Variants in CADM2 observed in about 807,000 individuals in gnomAD.
CADM2 encodes the protein cell adhesion molecule 2.
In CADM2, 12 loss-of-function variants were observed where a neutral mutation model predicts 49.8. The observed-to-expected ratio is 0.24, with a 90% CI of 0.15 to 0.39. The LOEUF (loss-of-function observed/expected upper bound fraction) is 0.39, where lower values mean the gene tolerates loss of function less well. CADM2 is among the 10% of genes least tolerant of loss of function. CADM2 has a pLI of 1.00. For synonymous variants in CADM2, 214 were observed against 175.4 expected (o/e 1.22, Z -1.74); for missense variants, 378 against 492.3 (o/e 0.77, Z 2.20).
In CADM2 at chr3:85,219,718, A is replaced by G. The variant is rs949285717; in HGVS notation, c.61+260050A>G. Reference sequence around the variant, plus strand: ...AAAAAATATTCTTATACCTTGCATGATACCAAAACAACTACTGTTTCACAA... The same window carrying G: ...AAAAAATATTCTTATACCTTGCATGGTACCAAAACAACTACTGTTTCACAA... On this transcript the variant is annotated intron_variant, in intron 1 of 9. Coordinates refer to ENST00000383699, the MANE Select transcript of CADM2 (RefSeq NM_001167675.2). 3.3e-5 allele frequency among the ~76,000 whole-genome samples: 5 copies of G among 152,276 alleles called. No homozygotes were observed. In the East Asian group the frequency reaches 7.7e-4, roughly 24 times the overall value.
chr3:85,320,326 G>C (rs986598571), intron 1 of CADM2, among the ~76,000 whole-genome samples: 7 of 152,108 alleles, frequency 4.6e-5, no homozygotes, highest in Non-Finnish European at 1.0e-4. Flanking sequence ...TTAAGTTTTT[G>C]TTTTCTCTGT....
intron 3 of CADM2, among the ~76,000 whole-genome samples, chr3:85,856,301 T>G (rs1466686785): frequency 1.3e-5 from 2 of 152,226 alleles, no homozygotes; most frequent in African/African-American, 4.8e-5. Context: ...TATCTCTATT[T>G]AAGTGCTGAA....
intron 1 of CADM2, among the ~76,000 whole-genome samples, chr3:85,286,526 AT>A (rs1200360220): frequency 6.6e-6 from 1 of 152,122 alleles, no homozygotes. Context: ...AAATTAGGTA[AT>A]TGGCAATTTA....
At chr3:85,339,834 A>G (rs1393950478) in intron 1 of CADM2, among the ~76,000 whole-genome samples, 2 of 151,460 alleles carry the variant, frequency 1.3e-5, no homozygotes, top group East Asian at 3.9e-4. Context: ...AGTGATTCTT[A>G]GATGATCACT....
intron 5 of CADM2, among the ~76,000 whole-genome samples, chr3:85,910,681 A>C (rs1479286584): frequency 6.6e-6 from 1 of 152,098 alleles, no homozygotes. Context: ...CTTCTTTCTA[A>C]ATGTTAGAGA....
chr3:85,746,797 A>G (rs1203593236), intron 2 of CADM2, among the ~76,000 whole-genome samples: 3 of 151,698 alleles, frequency 2.0e-5, no homozygotes, highest in Admixed American at 1.3e-4. Flanking sequence ...TTTCTCTTCT[A>G]CTCATTGATT....
intron 1 of CADM2, among the ~76,000 whole-genome samples, chr3:85,605,638 A>G (rs2063520173): frequency 6.6e-6 from 1 of 152,042 alleles, no homozygotes; most frequent in African/African-American, 2.4e-5. Context: ...GTTGGCTTGT[A>G]TCCGCCTCAT....
chr3:85,329,929 G>A (rs1185054563), intron 1 of CADM2, among the ~76,000 whole-genome samples: 2 of 151,994 alleles, frequency 1.3e-5, no homozygotes, highest in African/African-American at 2.4e-5. Context: ...CTGATTAGTA[G>A]CAAGTACCAT....
At chr3:85,225,003 A>C (rs1187288683) in intron 1 of CADM2, among the ~76,000 whole-genome samples, 1 of 151,892 alleles carries the variant, frequency 6.6e-6, no homozygotes, top group Non-Finnish European at 1.5e-5. Flanking sequence ...GGTTACTGTA[A>C]ACTTATAGTA....
intron 3 of CADM2, among the ~76,000 whole-genome samples, chr3:85,807,124 G>A (rs1481703694): frequency 1.3e-5 from 2 of 152,106 alleles, no homozygotes; most frequent in Non-Finnish European, 2.9e-5. Flanking sequence ...TGTAACCTGG[G>A]CAGCCTCTGC....
chr3:85,647,690 T>C (rs1484508103), intron 1 of CADM2, among the ~76,000 whole-genome samples: 1 of 151,818 alleles, frequency 6.6e-6, no homozygotes, highest in Admixed American at 6.6e-5. Flanking sequence ...ACAAAAAATA[T>C]TTTAGATGCA....
intron 5 of CADM2, among the ~76,000 whole-genome samples, chr3:85,903,063 C>A (rs1716330826): frequency 6.6e-6 from 1 of 151,996 alleles, no homozygotes; most frequent in Non-Finnish European, 1.5e-5. Context: ...CACCTAGAAT[C>A]ATTTCCTTAT....
chr3:86,006,608 G>A (rs1463094613), intron 8 of CADM2, among the ~76,000 whole-genome samples: 1 of 152,156 alleles, frequency 6.6e-6, no homozygotes, highest in African/African-American at 2.4e-5. Context: ...TGTAACAAGT[G>A]AGGACTCCCT....
At chr3:85,261,291 A>G (rs1261545527) in intron 1 of CADM2, among the ~76,000 whole-genome samples, 1 of 152,076 alleles carries the variant, frequency 6.6e-6, no homozygotes, top group Non-Finnish European at 1.5e-5. Flanking sequence ...ATCTGCCACC[A>G]GGCCCAGCTA....
chr3:85,637,717 A>G (rs1190158484), intron 1 of CADM2, among the ~76,000 whole-genome samples: 1 of 152,034 alleles, frequency 6.6e-6, no homozygotes, highest in Non-Finnish European at 1.5e-5. Flanking sequence ...AATGACAATA[A>G]CTTAGCCAAG....
chr3:85,395,279 TAGAG>T (rs1216168111), intron 1 of CADM2, among the ~76,000 whole-genome samples: 2 of 48,582 alleles, frequency 4.1e-5, no homozygotes, highest in East Asian at 5.2e-4. Context: ...GCCTGGGCAA[TAGAG>T]AAAGACTCCA....
intron 1 of CADM2, among the ~76,000 whole-genome samples, chr3:85,031,569 C>A (rs2034979721): frequency 6.6e-6 from 1 of 152,144 alleles, no homozygotes; most frequent in African/African-American, 2.4e-5. Flanking sequence ...GGCTGGAGTG[C>A]AGTGGCGCGA....
chr3:84,987,922 G>T (rs2032668948), intron 1 of CADM2, among the ~76,000 whole-genome samples: 1 of 152,208 alleles, frequency 6.6e-6, no homozygotes, highest in Non-Finnish European at 1.5e-5. Flanking sequence ...CCCTGCAGGG[G>T]TGTGTATGCT....
intron 1 of CADM2, among the ~76,000 whole-genome samples, chr3:85,596,575 C>T (rs968108482): frequency 6.6e-6 from 1 of 152,032 alleles, no homozygotes; most frequent in African/African-American, 2.4e-5. Flanking sequence ...AGCTATTGAA[C>T]ATACCCATTT....
Sources: gnomAD v4.1 joint callset for allele counts (sites outside exome capture counted in the v4.1 genomes callset) on GRCh38, gnomAD v4.1.1 for gene constraint, MANE v1.5 for transcripts, NCBI Gene and HGNC (gene_info 2026-07-23, HGNC 2026-07-21) for gene names.